Variants in CCNY observed in about 807,000 individuals in gnomAD.
The protein encoded by CCNY is cyclin Y.
Under a neutral mutation model 42.8 loss-of-function variants are expected in CCNY, and 19 were observed. That is an observed-to-expected ratio of 0.44 (90% confidence interval 0.31 to 0.65). The LOEUF (loss-of-function observed/expected upper bound fraction) is 0.65, where lower values mean the gene tolerates loss of function less well. CCNY is among the 30% of genes least tolerant of loss of function. The probability of loss-of-function intolerance (pLI) is 0.07; values close to 1 mark genes in which losing one functional copy is unlikely to be tolerated. For missense variants in CCNY, 370 were observed against 437.3 expected, an observed-to-expected ratio of 0.85 and a Z score of 1.37; for synonymous variants, 165 against 162.7, an observed-to-expected ratio of 1.01 and a Z score of -0.11.
At chr10:35,448,114 G>A (rs1215175392) in intron 1 of CCNY, among the ~76,000 whole-genome samples, 1 of 152,178 alleles carries the variant, frequency 6.6e-6, no homozygotes, top group Admixed American at 6.5e-5. Flanking sequence ...TTTTAATTGT[G>A]ATCTGGTGAC....
At chr10:35,315,074 T>C (rs1461110162) in intron 3 of CCNY, 1 of 152,000 alleles carries the variant, frequency 6.6e-6, no homozygotes, top group African/African-American at 2.4e-5. Flanking sequence ...AGAGCAAAAC[T>C]CCGTCTCAAA....
intron 1 of CCNY, among the ~76,000 whole-genome samples, chr10:35,409,151 C>CT (rs1270251139): frequency 1.3e-5 from 2 of 151,848 alleles, no homozygotes; most frequent in Non-Finnish European, 2.9e-5. Flanking sequence ...TGTCAAGCTC[C>CT]TGATCCTAAT....
At chr10:35,413,022 G>A (rs1165664422) in intron 1 of CCNY, among the ~76,000 whole-genome samples, 2 of 152,056 alleles carry the variant, frequency 1.3e-5, no homozygotes, top group South Asian at 4.2e-4. Flanking sequence ...CCAGTGTCCA[G>A]AACAGTGTCT....
intron 1 of CCNY, among the ~76,000 whole-genome samples, chr10:35,359,515 T>A (rs531732632): frequency 1.8e-3 from 266 of 151,992 alleles, no homozygotes; most frequent in African/African-American, 5.3e-3. Flanking sequence ...TATTATTATT[T>A]TTTTTTGTAG....
chr10:35,538,109 C>T (rs538666988), intron 7 of CCNY, among the ~76,000 whole-genome samples: 2 of 152,330 alleles, frequency 1.3e-5, no homozygotes, highest in Admixed American at 1.3e-4. Context: ...CCTTGGCTCT[C>T]ATTCTCTCTC....
chr10:35,543,666 TTTA>T (rs1841051611), intron 7 of CCNY, among the ~76,000 whole-genome samples: 1 of 152,074 alleles, frequency 6.6e-6, no homozygotes, highest in African/African-American at 2.4e-5. Context: ...TACTATACTT[TTTA>T]TTCTTAACTT....
chr10:35,518,322 A>G (rs1219590740), intron 4 of CCNY, among the ~76,000 whole-genome samples: 1 of 152,222 alleles, frequency 6.6e-6, no homozygotes, highest in African/African-American at 2.4e-5. Context: ...GAGCTTAAAA[A>G]CACACTGATG....
chr10:35,509,786 G>C (rs1840288699), intron 3 of CCNY, among the ~76,000 whole-genome samples: 1 of 152,206 alleles, frequency 6.6e-6, no homozygotes, highest in Non-Finnish European at 1.5e-5. Context: ...GCTGATCAGT[G>C]CTCTGGGTTT....
At chr10:35,437,407 C>T (rs1046046952) in intron 1 of CCNY, among the ~76,000 whole-genome samples, 3 of 152,140 alleles carry the variant, frequency 2.0e-5, no homozygotes, top group Non-Finnish European at 4.4e-5. Flanking sequence ...CATTTTCAGG[C>T]ACTTTGGGAG....
At chr10:35,454,050 G>A (rs1456006543) in intron 1 of CCNY, among the ~76,000 whole-genome samples, 1 of 152,168 alleles carries the variant, frequency 6.6e-6, no homozygotes, top group Non-Finnish European at 1.5e-5. Context: ...ATACTGTACT[G>A]TGACAGGCGG....
Position 35,337,320 on chromosome 10 carries a change from T to A in CCNY, c.154+113T>A, listed in dbSNP as rs1836064864. 3 of 1,134,018 alleles carry A rather than the reference T, an allele frequency of 2.6e-6. No individual in the cohort carries two copies. In the Admixed American group the frequency reaches 1.1e-4, roughly 42 times the overall value. The allele number at this position is 1,134,018 out of a possible 1,614,324, so 70.2% of individuals were successfully genotyped here. On this transcript the variant is annotated intron_variant, in intron 1 of 9. Transcript: ENST00000374704. The stretch of plus-strand genomic sequence containing the variant: ...CCAGCCGGTCTCGGCGACCCGTGCA[T>A]AACCGGGGCTTCGCCCGCGCAGCCT...
intron 1 of CCNY, among the ~76,000 whole-genome samples, chr10:35,419,829 C>T (rs1482861960): frequency 1.3e-5 from 2 of 151,564 alleles, no homozygotes; most frequent in African/African-American, 4.9e-5. Flanking sequence ...GTCATTCATA[C>T]AGCATTGTGA....
intron 8 of CCNY, among the ~76,000 whole-genome samples, chr10:35,555,018 T>C (rs1387738172): frequency 6.6e-6 from 1 of 152,206 alleles, no homozygotes; most frequent in Non-Finnish European, 1.5e-5. Context: ...CTTAGTTGAT[T>C]TCAAATTTTG....
At chr10:35,414,880 G>T (rs893574809) in intron 1 of CCNY, among the ~76,000 whole-genome samples, 9 of 152,184 alleles carry the variant, frequency 5.9e-5, no homozygotes, top group African/African-American at 2.2e-4. Context: ...AGTGTATTTG[G>T]AGTAGCTTGA....
At chr10:35,379,107 A>T (rs2135188979) in intron 1 of CCNY, among the ~76,000 whole-genome samples, 1 of 152,338 alleles carries the variant, frequency 6.6e-6, no homozygotes, top group East Asian at 1.9e-4. Context: ...TTCACGTGTC[A>T]GCCTGATGAG....
intron 3 of CCNY, among the ~76,000 whole-genome samples, chr10:35,513,832 G>A (rs537203717): frequency 2.4e-4 from 37 of 152,134 alleles, no homozygotes; most frequent in Admixed American, 5.2e-4. Context: ...GCATGTGCAC[G>A]CACATGTACA....
intron 1 of CCNY, among the ~76,000 whole-genome samples, chr10:35,365,750 G>T (rs555514867): frequency 6.6e-6 from 1 of 152,142 alleles, no homozygotes; most frequent in Non-Finnish European, 1.5e-5. Flanking sequence ...TTATATTATG[G>T]CTATAAAAGG....
intron 1 of CCNY, among the ~76,000 whole-genome samples, chr10:35,398,898 C>T (rs557262445): frequency 4.4e-4 from 67 of 152,274 alleles, no homozygotes; most frequent in African/African-American, 1.5e-3. Flanking sequence ...ACTGGTGGAG[C>T]CTGGGAAGGG....
chr10:35,506,111 T>C (rs544152380), intron 3 of CCNY, among the ~76,000 whole-genome samples: 9 of 152,370 alleles, frequency 5.9e-5, no homozygotes, highest in African/African-American at 1.9e-4. Context: ...TGAGAGTTTA[T>C]TGAGCAGCTG....
Sources: allele counts gnomAD v4.1 joint callset (sites outside exome capture counted in the v4.1 genomes callset), GRCh38; gene constraint gnomAD v4.1.1; transcripts MANE v1.5; gene names NCBI Gene and HGNC (gene_info 2026-07-23, HGNC 2026-07-21).